Variants in MTRR observed in about 807,000 individuals in gnomAD.
MTRR encodes the protein 5-methyltetrahydrofolate-homocysteine methyltransferase reductase, also known as methionine synthase reductase.
In MTRR, 63 loss-of-function variants were observed where a neutral mutation model predicts 79.2. That is an observed-to-expected ratio of 0.80 (90% CI 0.65 to 0.98). The LOEUF is 0.98. Among genes scored for constraint, MTRR ranks in the 50% least tolerant of loss-of-function variants. The pLI, the probability that MTRR is intolerant of heterozygous loss-of-function variation, is 0.00. For missense variants in MTRR, 895 were observed against 839.6 expected, an observed-to-expected ratio of 1.07 and a Z score of -0.82; for synonymous variants, 355 against 313.3, an observed-to-expected ratio of 1.13 and a Z score of -1.41.
intron 6 of MTRR, among the ~76,000 whole-genome samples, chr5:7,884,290 C>T (rs960714940): frequency 6.6e-6 from 1 of 152,208 alleles, no homozygotes; most frequent in African/African-American, 2.4e-5. Flanking sequence ...AATGATTACA[C>T]TTGTCCCTTA....
At chr5:7,881,755 A>AT (rs562995626) in intron 5 of MTRR, among the ~76,000 whole-genome samples, 1 of 150,608 alleles carries the variant, frequency 6.6e-6, no homozygotes, top group Non-Finnish European at 1.5e-5. Context: ...AGCTTTTTGC[A>AT]TTTTTTTTCA....
chr5:7,900,376 C>A lies in MTRR; in HGVS notation c.*318C>A. 3.2e-6 allele frequency: 1 copy of A among 308,686 alleles called. No individual in the cohort carries two copies. The highest frequency in any genetic ancestry group is 6.1e-6 in the Non-Finnish European group (1 of 164,354). 19.1% of individuals were successfully genotyped at this position (308,686 alleles called of 1,614,324 possible). A position where few individuals can be genotyped will look rare whatever the true frequency, so the allele number is the denominator to read the frequency against. ...CCAGAGAACTTCACAGAGACTCTGT[C>A]CTTCCATGCAAAGGCTTCCTGAAAT... On this transcript the variant is annotated 3_prime_UTR_variant, in exon 15 of 15. Coordinates refer to ENST00000440940, the MANE Select transcript of MTRR (RefSeq NM_002454.3).
rs757398819 is a variant in MTRR at position 7,889,285 on chromosome 5, C to G, written c.1327+10C>G. ...CTCAGTCTCCTGCTCGGTGAGTAGTCGCTTTCACAAGCACCTTGGTGGCTG... is the reference window on the plus strand; with the variant it reads ...CTCAGTCTCCTGCTCGGTGAGTAGTGGCTTTCACAAGCACCTTGGTGGCTG... On this transcript the variant is annotated intron_variant, in intron 9 of 14. Coordinates refer to ENST00000440940, the MANE Select transcript of MTRR (RefSeq NM_002454.3). 5 of 1,612,152 alleles carry G rather than the reference C, an allele frequency of 3.1e-6. No individual in the cohort carries two copies. In the African/African-American group the frequency reaches 6.7e-5, roughly 22 times the overall value.
chr5:7,892,047 TAAAAA>T (rs1048064360), intron 10 of MTRR, among the ~76,000 whole-genome samples: 13 of 150,944 alleles, frequency 8.6e-5, no homozygotes, highest in African/African-American at 3.2e-4. Flanking sequence ...CTCAAAAAAA[TAAAAA>T]AAAAGAATAT....
rs543608145 is a variant in MTRR at position 7,895,759 on chromosome 5, A to G, written c.1583A>G (p.Asn528Ser). The G allele has an allele frequency of 6.2e-7, 1 of 1,613,954 alleles. No homozygotes were observed. Among genetic ancestry groups the G allele is most frequent in the Admixed American group, 1.7e-5 (1 of 60,002 alleles). ...PKISISPRTT[N>S]SFHLPDDPSI... is the part of the protein sequence containing the mutation. ...ATATCCATCTCTCCTCGAACAACAA[A>G]TTCTTTCCACTTACCAGATGACCCC... Residue 528 changes from asparagine to serine, a missense_variant, in exon 12 of 15, where the codon AAT (asparagine) becomes AGT (serine). Transcript: ENST00000440940.
chr5:7,854,899 C>T (rs527537231), intron 1 of MTRR, among the ~76,000 whole-genome samples: 2 of 152,318 alleles, frequency 1.3e-5, no homozygotes, highest in South Asian at 4.1e-4. Context: ...CCAGTCTAGT[C>T]TTTCACCTTC....
intron 14 of MTRR, among the ~76,000 whole-genome samples, chr5:7,898,187 A>ATTTT: frequency 6.6e-6 from 1 of 152,094 alleles, no homozygotes; most frequent in Non-Finnish European, 1.5e-5. Flanking sequence ...AATTCTAGAC[A>ATTTT]TTGTTTTGGT....
intron 1 of MTRR, among the ~76,000 whole-genome samples, chr5:7,858,594 C>T (rs1042979874): frequency 6.6e-6 from 1 of 152,154 alleles, no homozygotes; most frequent in African/African-American, 2.4e-5. Flanking sequence ...ATGGGGTAGA[C>T]GTTCAGACTA....
chr5:7,872,566 C>T (rs1420199564), intron 2 of MTRR, among the ~76,000 whole-genome samples: 1 of 152,200 alleles, frequency 6.6e-6, no homozygotes, highest in Non-Finnish European at 1.5e-5. Context: ...TCTTGATAGC[C>T]AGGTCCCTGA....
intron 11 of MTRR, chr5:7,893,149 C>T: frequency 3.6e-6 from 2 of 551,192 alleles, no homozygotes; most frequent in South Asian, 4.1e-5. Flanking sequence ...ACGGTCTTTG[C>T]TTGTCCTATT....
At position 7,870,917 on chromosome 5, in the gene MTRR, C is replaced by T. The variant is rs759379396; in HGVS notation, c.123C>T (p.Ser41=). Residue 41 remains serine, a synonymous_variant, in exon 2 of 15, where the codon TCC becomes TCT. Transcript: ENST00000440940. ...FSADLHCISE[S]DKYDLKTETA... ...CAGATCTTCACTGTATTAGTGAATC[C>T]GATAAGGTTAGAGCCGTTACAGTGG... is the stretch of plus-strand genomic sequence containing the variant. 34 of 1,613,970 alleles carry T rather than the reference C, an allele frequency of 2.1e-5. No individual in the cohort carries two copies. The highest frequency in any genetic ancestry group is 4.4e-5 in the South Asian group (4 of 91,074).
upstream of MTRR, chr5:7,869,134 AT>A (rs1378663998): frequency 4.3e-6 from 7 of 1,613,364 alleles, no homozygotes; most frequent in African/African-American, 2.7e-5. Context: ...GGTACCGAGC[AT>A]GGGCGCTGCG....
rs745624190 is a variant in MTRR, at chr5:7,889,286, G to A, written c.1327+11G>A. ...TCAGTCTCCTGCTCGGTGAGTAGTC[G>A]CTTTCACAAGCACCTTGGTGGCTGT... On this transcript the variant is annotated intron_variant, in intron 9 of 14. Coordinates refer to ENST00000440940, the MANE Select transcript of MTRR (RefSeq NM_002454.3). 6.8e-6 allele frequency: 11 copies of A among 1,612,074 alleles called. No homozygotes were observed. The African/African-American group carries it at 8.0e-5, about 12-fold the overall frequency.
At chr5:7,875,117 A>T (rs1030867360) in intron 3 of MTRR, 141 bp from the exon 4 acceptor site, 14 of 706,872 alleles carry the variant, frequency 2.0e-5, no homozygotes, top group Non-Finnish European at 3.3e-5. Context: ...TTACTCAAGG[A>T]AAATAAAATG....
intron 8 of MTRR, among the ~76,000 whole-genome samples, chr5:7,887,792 GC>G (rs1736795342): frequency 1.2e-4 from 3 of 25,996 alleles, no homozygotes; most frequent in African/African-American, 1.5e-4. Flanking sequence ...GTGTGTGTGT[GC>G]ATATATATAT....
rs530287151 is a variant in MTRR, at chr5:7,871,676, G to A, written c.129+753G>A. Among the ~76,000 whole-genome samples the A allele has an allele frequency of 2.2e-4, 34 of 152,280 alleles. 1 individual carries two copies. The highest frequency in any genetic ancestry group is 8.2e-4 in the African/African-American group (34 of 41,548). ...CTCTCTGGCCTTTCCTAAAACTCCA[G>A]TTCAGAACACTAGACTGTGTGCAGC... On this transcript the variant is annotated intron_variant, in intron 2 of 14. Coordinates refer to ENST00000440940, the MANE Select transcript of MTRR (RefSeq NM_002454.3).
intron 1 of MTRR, chr5:7,859,597 G>T: frequency 9.0e-7 from 1 of 1,115,452 alleles, no homozygotes. Flanking sequence ...GGTTCCTCTG[G>T]CTATTGGTTA....
intron 5 of MTRR, among the ~76,000 whole-genome samples, chr5:7,878,918 T>C (rs1413526294): frequency 6.6e-6 from 1 of 152,254 alleles, no homozygotes; most frequent in African/African-American, 2.4e-5. Flanking sequence ...ACATGGACTT[T>C]TCTTACAAAA....
chr5:7,889,303 G>T, intron 9 of MTRR, 28 bp downstream of exon 9: 1 of 1,612,004 alleles, frequency 6.2e-7, no homozygotes, highest in Non-Finnish European at 8.5e-7. Context: ...CAAGCACCTT[G>T]GTGGCTGTTC....
Sources: allele counts gnomAD v4.1 joint callset (sites outside exome capture counted in the v4.1 genomes callset), GRCh38; gene constraint gnomAD v4.1.1; transcripts MANE v1.5; gene names NCBI Gene and HGNC (gene_info 2026-07-23, HGNC 2026-07-21).